Variants in UBE2G1 observed in about 807,000 individuals in gnomAD.
UBE2G1 encodes the protein ubiquitin conjugating enzyme E2 G1.
UBE2G1 carries 5 observed loss-of-function variants against 22.7 expected under a neutral mutation model. That is an observed-to-expected ratio of 0.22 (90% CI 0.12 to 0.46). UBE2G1 has a LOEUF of 0.46. UBE2G1 is among the 20% of genes least tolerant of loss of function. The pLI is 0.99. For missense variants in UBE2G1, 88 were observed against 203.9 expected, an observed-to-expected ratio of 0.43 and a Z score of 3.46; for synonymous variants, 74 against 67.5, an observed-to-expected ratio of 1.10 and a Z score of -0.47.
intron 1 of UBE2G1, among the ~76,000 whole-genome samples, chr17:4,325,932 G>A (rs996202180): frequency 6.6e-6 from 1 of 151,960 alleles, no homozygotes; most frequent in Non-Finnish European, 1.5e-5. Context: ...GAATGAAGGT[G>A]GATTCTTTCC....
intron 1 of UBE2G1, among the ~76,000 whole-genome samples, chr17:4,346,485 A>G (rs1176126434): frequency 7.4e-6 from 1 of 134,364 alleles, no homozygotes; most frequent in Non-Finnish European, 1.5e-5. Flanking sequence ...CCCAGGCTGG[A>G]GTGCAGTGGC....
At chr17:4,286,768 G>A (rs1968968671) in intron 4 of UBE2G1, among the ~76,000 whole-genome samples, 1 of 152,182 alleles carries the variant, frequency 6.6e-6, no homozygotes, top group East Asian at 1.9e-4. Context: ...AGGGCCAGGT[G>A]CAGTAGCTCA....
chr17:4,341,511 T>C (rs1289144209), intron 1 of UBE2G1, among the ~76,000 whole-genome samples: 5 of 152,154 alleles, frequency 3.3e-5, no homozygotes, highest in Non-Finnish European at 5.9e-5. Context: ...TCCTGTGTCA[T>C]CGGTTCTTCT....
At chr17:4,352,511 T>C (rs1031768034) in intron 1 of UBE2G1, among the ~76,000 whole-genome samples, 2 of 152,132 alleles carry the variant, frequency 1.3e-5, no homozygotes, top group South Asian at 4.1e-4. Flanking sequence ...GAAAGCTGGG[T>C]AGGAAATTTA....
At chr17:4,356,448 T>C (rs188434390) in intron 1 of UBE2G1, among the ~76,000 whole-genome samples, 106 of 152,348 alleles carry the variant, frequency 7.0e-4, no homozygotes, top group Non-Finnish European at 1.3e-3. Context: ...TCACATCAAT[T>C]ACCTTTGCGT....
chr17:4,335,509 G>C (rs1227856672), intron 1 of UBE2G1, among the ~76,000 whole-genome samples: 1 of 152,116 alleles, frequency 6.6e-6, no homozygotes, highest in African/African-American at 2.4e-5. Context: ...TTGAACATAA[G>C]AGCACTCAAA....
At chr17:4,283,787 G>A (rs757765659) in intron 4 of UBE2G1, among the ~76,000 whole-genome samples, 4 of 152,078 alleles carry the variant, frequency 2.6e-5, no homozygotes, top group South Asian at 2.1e-4. Context: ...AAAGGGAAAA[G>A]GGTCTATTAA....
chr17:4,317,620 T>C (rs1598192198), intron 1 of UBE2G1, among the ~76,000 whole-genome samples: 2 of 152,174 alleles, frequency 1.3e-5, no homozygotes, highest in Admixed American at 1.3e-4. Context: ...TCAGAGATGA[T>C]CCCTTAAAAA....
At chr17:4,333,797 T>C (rs1430681086) in intron 1 of UBE2G1, among the ~76,000 whole-genome samples, 1 of 151,880 alleles carries the variant, frequency 6.6e-6, no homozygotes, top group African/African-American at 2.4e-5. Context: ...CCAGCCTGGG[T>C]GACACAGTGA....
intron 1 of UBE2G1, among the ~76,000 whole-genome samples, chr17:4,316,611 T>TA (rs1245751488): frequency 6.6e-6 from 1 of 152,202 alleles, no homozygotes. Context: ...AAATTTCTGG[T>TA]AAACTTTAAA....
At chr17:4,333,576 C>G (rs1969608644) in intron 1 of UBE2G1, among the ~76,000 whole-genome samples, 1 of 152,042 alleles carries the variant, frequency 6.6e-6, no homozygotes, top group African/African-American at 2.4e-5. Flanking sequence ...AATCCCAGCA[C>G]TTTGGGAGGC....
chr17:4,330,343 C>T (rs1023436876), intron 1 of UBE2G1, among the ~76,000 whole-genome samples: 5 of 152,158 alleles, frequency 3.3e-5, no homozygotes, highest in Non-Finnish European at 7.3e-5. Flanking sequence ...GCTATCTTCA[C>T]ATTTTGCATA....
chr17:4,330,505 A>C (rs1969560580), intron 1 of UBE2G1, among the ~76,000 whole-genome samples: 1 of 152,076 alleles, frequency 6.6e-6, no homozygotes, highest in Admixed American at 6.6e-5. Context: ...TGGGAGGCCA[A>C]GGTGGGCGGA....
At chr17:4,275,023 G>A (rs1460936054) in intron 5 of UBE2G1, among the ~76,000 whole-genome samples, 2 of 149,674 alleles carry the variant, frequency 1.3e-5, no homozygotes, top group African/African-American at 4.9e-5. Flanking sequence ...GTGAGACCTT[G>A]TCTCAAAAAA....
intron 1 of UBE2G1, among the ~76,000 whole-genome samples, chr17:4,316,610 G>GT (rs1464184348): frequency 2.0e-5 from 3 of 152,082 alleles, no homozygotes; most frequent in African/African-American, 4.8e-5. Context: ...CAAATTTCTG[G>GT]TAAACTTTAA....
intron 2 of UBE2G1, among the ~76,000 whole-genome samples, chr17:4,303,846 A>T (rs964640964): frequency 1.3e-5 from 2 of 152,174 alleles, no homozygotes; most frequent in Non-Finnish European, 2.9e-5. Flanking sequence ...GATTCTCCAG[A>T]TTTTTCATAT....
intron 2 of UBE2G1, among the ~76,000 whole-genome samples, chr17:4,300,247 A>AAAG (rs1237626915): frequency 1.3e-5 from 2 of 152,332 alleles, no homozygotes; most frequent in African/African-American, 4.8e-5. Flanking sequence ...TCAAATATAG[A>AAAG]AAGATGTGAC....
At chr17:4,344,854 C>G (rs1188101784) in intron 1 of UBE2G1, among the ~76,000 whole-genome samples, 1 of 151,686 alleles carries the variant, frequency 6.6e-6, no homozygotes, top group East Asian at 1.9e-4. Context: ...GAGACTCTGT[C>G]CCTAAATATA....
chr17:4,274,574 C>CA (rs1472748532), intron 5 of UBE2G1, among the ~76,000 whole-genome samples: 1 of 152,176 alleles, frequency 6.6e-6, no homozygotes, highest in Admixed American at 6.5e-5. Flanking sequence ...GCCATTTAGA[C>CA]AACCTCCCTA....
Sources: gnomAD v4.1 joint callset for allele counts (sites outside exome capture counted in the v4.1 genomes callset) on GRCh38, gnomAD v4.1.1 for gene constraint, MANE v1.5 for transcripts, NCBI Gene and HGNC (gene_info 2026-07-23, HGNC 2026-07-21) for gene names.